GNG2: variants seen among roughly 807,000 people sequenced by gnomAD.
GNG2 encodes G protein subunit gamma 2.
In GNG2, 5 loss-of-function variants were observed where a neutral mutation model predicts 5.5. That is an observed-to-expected ratio of 0.91 (90% CI 0.48 to 1.92). GNG2 has a LOEUF of 1.92. Among genes scored for constraint, GNG2 ranks in the 30% most tolerant of loss-of-function variants. The pLI, the probability that GNG2 is intolerant of heterozygous loss-of-function variation, is 0.01. For synonymous variants in GNG2, 28 were observed against 32.0 expected, an observed-to-expected ratio of 0.88 and a Z score of 0.42; for missense variants, 55 against 88.4, an observed-to-expected ratio of 0.62 and a Z score of 1.52.
exon 2 of GNG2, chr14:51,827,676 G>A (rs185046728): frequency 2.3e-5 from 16 of 701,736 alleles, no homozygotes; most frequent in Admixed American, 6.0e-5. Context: ...AGAATTACAC[G>A]CAGTGGAAAA....
chr14:51,914,044 C>T, intron 2 of GNG2: 1 of 525,790 alleles, frequency 1.9e-6, no homozygotes, highest in Non-Finnish European at 3.4e-6. Context: ...AACTGGGAGT[C>T]ACTGTATCCA....
intron 2 of GNG2, among the ~76,000 whole-genome samples, chr14:51,905,892 G>T (rs1566677467): frequency 6.6e-6 from 1 of 152,218 alleles, no homozygotes; most frequent in Admixed American, 6.5e-5. Flanking sequence ...GGATGTGTTT[G>T]CTTCCACTTA....
chr14:51,844,146 G>GA (rs1881559455), intron 2 of GNG2, among the ~76,000 whole-genome samples: 1 of 152,220 alleles, frequency 6.6e-6, no homozygotes, highest in South Asian at 2.1e-4. Context: ...TGTTGAGGCA[G>GA]AAACATGGAG....
At chr14:51,868,797 C>T (rs1883104735) in intron 1 of GNG2, among the ~76,000 whole-genome samples, 1 of 152,164 alleles carries the variant, frequency 6.6e-6, no homozygotes, top group Non-Finnish European at 1.5e-5. Context: ...AAATGCAGAA[C>T]ACTTGGCTGC....
intron 2 of GNG2, among the ~76,000 whole-genome samples, chr14:51,840,345 T>TAAAATGTTCCACAC (rs933732320): frequency 1.3e-5 from 2 of 152,220 alleles, no homozygotes; most frequent in South Asian, 4.1e-4. Flanking sequence ...GTGACATCTA[T>TAAAATGTTCCACAC]AAAATGTTCC....
chr14:51,916,359 T>C (rs1210357918), intron 2 of GNG2: 1 of 411,696 alleles, frequency 2.4e-6, no homozygotes, highest in Non-Finnish European at 4.8e-6. Flanking sequence ...TAGTTGAGAA[T>C]AGTGCACCGT....
intron 2 of GNG2, among the ~76,000 whole-genome samples, chr14:51,889,222 C>T (rs1354280074): frequency 1.3e-5 from 2 of 150,816 alleles, no homozygotes; most frequent in Non-Finnish European, 1.5e-5. Context: ...AAGCAATTCT[C>T]CTGCCTCAGC....
At chr14:51,942,589 C>CTTTTTTTTT (rs56883654) in intron 2 of GNG2, among the ~76,000 whole-genome samples, 16 of 81,126 alleles carry the variant, frequency 2.0e-4, no homozygotes, top group East Asian at 1.3e-3. Flanking sequence ...TTCTTTCTTT[C>CTTTTTTTTT]TTTTTTTTTT....
chr14:51,876,702 T>C (rs1454491532), intron 1 of GNG2, among the ~76,000 whole-genome samples: 1 of 152,122 alleles, frequency 6.6e-6, no homozygotes, highest in Non-Finnish European at 1.5e-5. Context: ...TATGGTAGTC[T>C]GGGAATATAA....
At position 51,906,757 on chromosome 14, in the gene GNG2, C is replaced by CTTTTTTTTTTTTTTTTT. The variant is rs34240079; in HGVS notation, c.-30+29116_-30+29117insTTTTTTTTTTTTTTTTT. ...TTGCATGCAGCCTGCTGGAGAATCT[C>CTTTTTTTTTTTTTTTTT]TTTTTTTTTTTTTTTTGAGACGGAG... On this transcript the variant is annotated intron_variant, in intron 2 of 3. Coordinates refer to ENST00000556766, the MANE Select transcript of GNG2 (RefSeq NM_053064.5). Among the ~76,000 whole-genome samples, 44 of 105,290 alleles carry CTTTTTTTTTTTTTTTTT rather than the reference C, an allele frequency of 4.2e-4. 3 individuals are homozygous for CTTTTTTTTTTTTTTTTT. Among genetic ancestry groups the CTTTTTTTTTTTTTTTTT allele is most frequent in the East Asian group, 1.4e-3 (4 of 2,932 alleles). The allele number at this position is 105,290 out of a possible 152,430, so 69.1% of individuals were successfully genotyped here. A position where few individuals can be genotyped will look rare whatever the true frequency, so the allele number is the denominator to read the frequency against.
At chr14:51,878,879 T>G (rs1594867541) in intron 2 of GNG2, among the ~76,000 whole-genome samples, 1 of 152,262 alleles carries the variant, frequency 6.6e-6, no homozygotes, top group African/African-American at 2.4e-5. Context: ...TTTATAAGCA[T>G]CTGATGTTCT....
chr14:51,849,403 A>G (rs367707625), intron 2 of GNG2, among the ~76,000 whole-genome samples: 2 of 152,242 alleles, frequency 1.3e-5, no homozygotes, highest in East Asian at 3.8e-4. Flanking sequence ...GTTCTGACTC[A>G]GTGTGGGAAG....
chr14:51,967,293 T>C lies in GNG2; in HGVS notation c.*606T>C, dbSNP rs1889984451. On this transcript the variant is annotated 3_prime_UTR_variant, in exon 4 of 4. Coordinates refer to ENST00000556766, the MANE Select transcript of GNG2 (RefSeq NM_053064.5). ...AAAATGTTTAGGGAGATGTTCCCCG[T>C]GGTGTATCCTCATGGTAACAACGAC... The C allele has an allele frequency of 6.6e-6, 1 of 152,286 alleles. No individual in the cohort carries two copies. Among genetic ancestry groups the C allele is most frequent in the South Asian group, 2.1e-4 (1 of 4,830 alleles). The allele number at this position is 152,286 out of a possible 1,614,324, so 9.4% of individuals were successfully genotyped here.
intron 2 of GNG2, among the ~76,000 whole-genome samples, chr14:51,933,497 G>A (rs966231866): frequency 6.6e-6 from 1 of 152,166 alleles, no homozygotes; most frequent in Non-Finnish European, 1.5e-5. Flanking sequence ...TTTTATTTTT[G>A]TTGTTGTTGC....
chr14:51,836,856 CTTTT>C (rs369095215), intron 2 of GNG2, among the ~76,000 whole-genome samples: 11 of 130,660 alleles, frequency 8.4e-5, no homozygotes, highest in Admixed American at 7.7e-5. Flanking sequence ...GTGACTTCAT[CTTTT>C]TTTTTTTTTT....
chr14:51,868,067 G>A (rs1305689740), intron 1 of GNG2, among the ~76,000 whole-genome samples: 1 of 152,144 alleles, frequency 6.6e-6, no homozygotes, highest in Non-Finnish European at 1.5e-5. Flanking sequence ...CATAGTACTT[G>A]TCCTCTAAGA....
intron 1 of GNG2, among the ~76,000 whole-genome samples, chr14:51,875,233 G>A (rs1462004533): frequency 6.6e-6 from 1 of 152,208 alleles, no homozygotes; most frequent in Admixed American, 6.5e-5. Flanking sequence ...TCATTCCTAT[G>A]AGGTTTCTCT....
intron 2 of GNG2, among the ~76,000 whole-genome samples, chr14:51,849,956 G>A (rs1321149174): frequency 1.3e-5 from 2 of 151,858 alleles, no homozygotes; most frequent in Admixed American, 6.6e-5. Flanking sequence ...ACTATAGGCG[G>A]GTACCACCAT....
chr14:51,911,355 C>T (rs1481100597), intron 2 of GNG2, among the ~76,000 whole-genome samples: 1 of 152,106 alleles, frequency 6.6e-6, no homozygotes, highest in African/African-American at 2.4e-5. Context: ...TAGTCCCTAA[C>T]CAGTAACTTG....
Sources: allele counts gnomAD v4.1 joint callset (sites outside exome capture counted in the v4.1 genomes callset), GRCh38; gene constraint gnomAD v4.1.1; transcripts MANE v1.5; gene names NCBI Gene and HGNC (gene_info 2026-07-23, HGNC 2026-07-21).